Variants in MAP3K13 observed in about 807,000 individuals in gnomAD.
The protein encoded by MAP3K13 is leucine zipper-bearing kinase.
A neutral mutation model predicts 104.0 loss-of-function variants in MAP3K13; 52 were observed. The ratio of observed to expected loss-of-function variants is 0.50; its 90% confidence interval spans 0.40 to 0.63. The LOEUF (loss-of-function observed/expected upper bound fraction) is 0.63, where lower values mean the gene tolerates loss of function less well. MAP3K13 is among the 20% of genes least tolerant of loss of function. The probability of loss-of-function intolerance (pLI) is 0.00; values close to 1 mark genes in which losing one functional copy is unlikely to be tolerated. For synonymous variants in MAP3K13, 394 were observed against 442.2 expected, an observed-to-expected ratio of 0.89 and a Z score of 1.37; for missense variants, 914 against 1,218.5, an observed-to-expected ratio of 0.75 and a Z score of 3.72.
At chr3:185,457,094 C>T (rs1716800288) in intron 7 of MAP3K13, among the ~76,000 whole-genome samples, 1 of 151,462 alleles carries the variant, frequency 6.6e-6, no homozygotes, top group South Asian at 2.1e-4. Flanking sequence ...ATTTTGAGAA[C>T]CTACCACTTG....
At position 185,297,138 on chromosome 3, in the gene MAP3K13, T is replaced by C. The variant is rs116475152; in HGVS notation, c.-86+11495T>C. On this transcript the variant is annotated intron_variant, in intron 2 of 14. Transcript: ENST00000424227. ...ATAAGACATTGTGCAGTTACTCTTC[T>C]AAAAAAAAACTTGCTTTCTGTATTA... Among the ~76,000 whole-genome samples the C allele has an allele frequency of 2.5e-3, 383 of 151,564 alleles. 2 individuals are homozygous for C. Among genetic ancestry groups the C allele is most frequent in the African/African-American group, 8.8e-3 (364 of 41,342 alleles).
chr3:185,482,975 G>T lies in MAP3K13; in HGVS notation c.*519G>T, dbSNP rs772714025. Reference sequence around the variant, plus strand: ...TAAAGAAGAGCCAGAGCAAGACATTGAACATTTTAGAACACAAAGAACAGC... The same window carrying T: ...TAAAGAAGAGCCAGAGCAAGACATTTAACATTTTAGAACACAAAGAACAGC... On this transcript the variant is annotated 3_prime_UTR_variant, in exon 14 of 14. Transcript: ENST00000265026. This position sits in a 1 kb window ranked among gnomAD's most constrained non-coding sequence, Gnocchi z 4.5. 5 of 232,038 alleles carry T rather than the reference G, an allele frequency of 2.2e-5. No individual in the cohort carries two copies. The highest frequency in any genetic ancestry group is 5.6e-5 in the Admixed American group (1 of 17,736). 14.4% of individuals were successfully genotyped at this position (232,038 alleles called of 1,614,324 possible). A position where few individuals can be genotyped will look rare whatever the true frequency, so the allele number is the denominator to read the frequency against.
intron 7 of MAP3K13, among the ~76,000 whole-genome samples, chr3:185,462,706 G>A (rs528361826): frequency 2.0e-4 from 31 of 152,332 alleles, no homozygotes; most frequent in African/African-American, 7.0e-4. Flanking sequence ...CCGGGAGACA[G>A]AGGCTGCAGT....
Position 185,487,879 on chromosome 3 carries a change from T to A in MAP3K13, c.*5423T>A, listed in dbSNP as rs1291557298. Reference sequence around the variant, plus strand: ...AGCAACAATTGCCGCTTGATTGGAATTGCCATTTGAGCTTGAGTTAGCCCC... The same window carrying A: ...AGCAACAATTGCCGCTTGATTGGAAATGCCATTTGAGCTTGAGTTAGCCCC... On this transcript the variant is annotated 3_prime_UTR_variant, in exon 14 of 14. Transcript: ENST00000265026. The A allele has an allele frequency of 6.6e-6, 1 of 152,194 alleles. No individual in the cohort carries two copies. Among genetic ancestry groups the A allele is most frequent in the Non-Finnish European group, 1.5e-5 (1 of 68,044 alleles). The allele number at this position is 152,194 out of a possible 1,614,324, so 9.4% of individuals were successfully genotyped here.
intron 1 of MAP3K13, among the ~76,000 whole-genome samples, chr3:185,391,318 T>G (rs2108768210): frequency 6.6e-6 from 1 of 152,330 alleles, no homozygotes; most frequent in East Asian, 1.9e-4. Flanking sequence ...AATGAAATCA[T>G]ACAATATTTG....
chr3:185,455,564 G>GATATATGACATATATATCATATATATC (rs1560119879), intron 7 of MAP3K13, among the ~76,000 whole-genome samples: 1 of 2,250 alleles, frequency 4.4e-4, no homozygotes, highest in African/African-American at 9.1e-4. Context: ...ATATATATGA[G>GATATATGACATATATATCATATATATC]ATATATATGA....
intron 1 of MAP3K13, among the ~76,000 whole-genome samples, chr3:185,385,941 T>A (rs1208264355): frequency 1.3e-5 from 2 of 151,962 alleles, no homozygotes; most frequent in African/African-American, 4.8e-5. Flanking sequence ...AGGCAGAGGT[T>A]GCAGTGAGCC....
At chr3:185,293,462 A>G (rs1242670323) in intron 2 of MAP3K13, among the ~76,000 whole-genome samples, 1 of 151,688 alleles carries the variant, frequency 6.6e-6, no homozygotes, top group Non-Finnish European at 1.5e-5. Flanking sequence ...CTGGAGTGCA[A>G]TGGCACAGGC....
intron 7 of MAP3K13, among the ~76,000 whole-genome samples, chr3:185,456,332 C>T (rs1344356775): frequency 1.3e-5 from 2 of 152,018 alleles, no homozygotes; most frequent in African/African-American, 4.8e-5. Flanking sequence ...AAAGTGTTTG[C>T]TTTCAGAGGA....
chr3:185,351,431 C>T (rs553903545), intron 2 of MAP3K13, among the ~76,000 whole-genome samples: 4 of 152,190 alleles, frequency 2.6e-5, no homozygotes, highest in East Asian at 3.9e-4. Context: ...CCAGGATTAC[C>T]GAGTGAATGT....
chr3:185,487,330 ATT>A lies in MAP3K13; in HGVS notation c.*4889_*4890del, dbSNP rs1173113366. 11 of 141,718 alleles carry A rather than the reference ATT, an allele frequency of 7.8e-5. No individual in the cohort carries two copies. The highest frequency in any genetic ancestry group is 9.3e-5 in the Non-Finnish European group (6 of 64,512). The allele number at this position is 141,718 out of a possible 1,614,324, so 8.8% of individuals were successfully genotyped here. A position where few individuals can be genotyped will look rare whatever the true frequency, so the allele number is the denominator to read the frequency against. On this transcript the variant is annotated 3_prime_UTR_variant, in exon 14 of 14. Transcript: ENST00000265026. ...CAGGTGTGTGCCACCATGCACAACA[ATT>A]TTTTTTTTTTTTTTGTAGAGATGGG... is the stretch of plus-strand genomic sequence containing the variant.
At chr3:185,402,387 ATTTTCT>A (rs1459440874) in intron 1 of MAP3K13, among the ~76,000 whole-genome samples, 2 of 151,820 alleles carry the variant, frequency 1.3e-5, no homozygotes, top group African/African-American at 4.8e-5. Context: ...TTTTTAAAAC[ATTTTCT>A]TTGTGTTGTT....
intron 2 of MAP3K13, chr3:185,291,777 G>A (rs1461757526): frequency 2.8e-5 from 41 of 1,444,724 alleles, no homozygotes; most frequent in Non-Finnish European, 2.9e-5. Flanking sequence ...GCTTAAAGGG[G>A]CTAAAATCCA....
intron 12 of MAP3K13, among the ~76,000 whole-genome samples, chr3:185,478,687 C>T (rs1315781596): frequency 2.0e-5 from 3 of 151,932 alleles, no homozygotes; most frequent in Non-Finnish European, 4.4e-5. Context: ...TCCTGGCCAA[C>T]ACGGCGAAAC....
chr3:185,363,337 T>C lies in MAP3K13; in HGVS notation c.-117T>C, dbSNP rs867917588. The C allele has an allele frequency of 5.1e-5, 50 of 985,300 alleles. 1 individual carries two copies. In the Middle Eastern group the frequency reaches 4.7e-3, roughly 93 times the overall value. 61.0% of individuals were successfully genotyped at this position (985,300 alleles called of 1,614,324 possible). On this transcript the variant is annotated 5_prime_UTR_variant, in exon 1 of 14. The change abolishes an upstream ATG in the 5' untranslated region. Transcript: ENST00000265026. ...CTTACATCTTTTCAAAGCAAGAAAA[T>C]GGAACAGCATGTGTAGGAATTCTTC...
At chr3:185,307,547 T>TCCCCCCCCCCC (rs1560041671) in intron 2 of MAP3K13, among the ~76,000 whole-genome samples, 1 of 110,230 alleles carries the variant, frequency 9.1e-6, no homozygotes. Context: ...CACCACCCCC[T>TCCCCCCCCCCC]CCCCCGCCAC....
chr3:185,304,368 T>C (rs996390085), intron 2 of MAP3K13, among the ~76,000 whole-genome samples: 2 of 152,210 alleles, frequency 1.3e-5, no homozygotes, highest in African/African-American at 4.8e-5. Context: ...TGTTCTCTTA[T>C]TGATTATCTG....
intron 3 of MAP3K13, among the ~76,000 whole-genome samples, chr3:185,439,597 T>C (rs1043415522): frequency 6.6e-6 from 1 of 152,148 alleles, no homozygotes; most frequent in Non-Finnish European, 1.5e-5. Flanking sequence ...GTATGGCCTT[T>C]TGGCCTCTTG....
chr3:185,408,951 C>T (rs1437202906), intron 1 of MAP3K13, among the ~76,000 whole-genome samples: 1 of 152,074 alleles, frequency 6.6e-6, no homozygotes, highest in Admixed American at 6.6e-5. Flanking sequence ...CATCAGAAGG[C>T]GTCTACCAAT....
Sources: gnomAD v4.1 joint callset for allele counts (sites outside exome capture counted in the v4.1 genomes callset) on GRCh38, gnomAD v4.1.1 for gene constraint, Gnocchi (gnomAD v3.1) non-coding constraint, MANE v1.5 for transcripts, NCBI Gene and HGNC (gene_info 2026-07-23, HGNC 2026-07-21) for gene names.